The following NPHP3 variants were observed in gnomAD, a reference collection of about 807,000 sequenced individuals.
NPHP3 encodes nephrocystin-3.
A neutral mutation model predicts 171.9 loss-of-function variants in NPHP3; 123 were observed. The ratio of observed to expected loss-of-function variants is 0.72; its 90% CI spans 0.62 to 0.83. The LOEUF (loss-of-function observed/expected upper bound fraction) is 0.83, where lower values mean the gene tolerates loss of function less well. Among genes scored for constraint, NPHP3 ranks in the 40% least tolerant of loss-of-function variants. NPHP3 has a pLI of 0.00. For synonymous variants in NPHP3, 558 were observed against 579.2 expected, an observed-to-expected ratio of 0.96 and a Z score of 0.52; for missense variants, 1,506 against 1,591.9, an observed-to-expected ratio of 0.95 and a Z score of 0.92.
Position 132,689,265 on chromosome 3 carries a change from T to A in NPHP3, c.2694-2A>T, listed in dbSNP as rs1395411307. 6.2e-7 allele frequency: 1 copy of A among 1,613,166 alleles called. No individual in the cohort carries two copies. The highest frequency in any genetic ancestry group is 8.5e-7 in the Non-Finnish European group (1 of 1,179,280). On this transcript the variant is annotated splice_acceptor_variant, in intron 19 of 26. Transcript: ENST00000337331. LOFTEE classifies it high-confidence loss of function. ...CTCAGCAACTCAGCAAAGTGTCCCC[T>A]GTTTCAACAAATAACAGTACTTTAA...
At chr3:132,690,438 T>A (rs1475549304) in intron 19 of NPHP3, 90 bp downstream of exon 19, 2 of 1,301,800 alleles carry the variant, frequency 1.5e-6, no homozygotes, top group Non-Finnish European at 2.2e-6. Context: ...TTAGACTAAT[T>A]TTTAAATTAA....
At chr3:132,695,191 T>C (rs1939421902) in intron 15 of NPHP3, 1 of 496,678 alleles carries the variant, frequency 2.0e-6, no homozygotes, top group South Asian at 2.2e-5. Context: ...TGAAATCTAT[T>C]ATTTGTTAAG....
intron 6 of NPHP3, among the ~76,000 whole-genome samples, 182 bp from the exon 7 acceptor site, chr3:132,708,439 T>A (rs1303427800): frequency 6.6e-6 from 1 of 152,222 alleles, no homozygotes; most frequent in Non-Finnish European, 1.5e-5. Flanking sequence ...CAGTTTGGTC[T>A]TAAAATATAA....
chr3:132,692,038 G>A (rs555646702), intron 17 of NPHP3, among the ~76,000 whole-genome samples: 1 of 152,224 alleles, frequency 6.6e-6, no homozygotes, highest in East Asian at 1.9e-4. Flanking sequence ...CCCTATACAG[G>A]CATACCGTTT....
chr3:132,695,208 C>T (rs1229453304), intron 15 of NPHP3: 8 of 449,316 alleles, frequency 1.8e-5, no homozygotes. Flanking sequence ...TAAGCAATTA[C>T]TATGCATTAT....
At chr3:132,683,706 AT>A (rs1265957839) in intron 24 of NPHP3, among the ~76,000 whole-genome samples, 182 bp from the exon 25 acceptor site, 1 of 152,220 alleles carries the variant, frequency 6.6e-6, no homozygotes, top group Non-Finnish European at 1.5e-5. Flanking sequence ...GCTACACTGT[AT>A]AGAAAAGCAT....
intron 4 of NPHP3, 133 bp downstream of exon 4, chr3:132,716,624 T>C (rs748988071): frequency 1.2e-5 from 11 of 947,050 alleles, no homozygotes; most frequent in Admixed American, 1.9e-5. Context: ...CACTGTATGA[T>C]GGTTTGTCAA....
intron 7 of NPHP3, among the ~76,000 whole-genome samples, chr3:132,707,691 C>T (rs1939791236): frequency 6.6e-6 from 1 of 152,092 alleles, no homozygotes; most frequent in African/African-American, 2.4e-5. Flanking sequence ...CCTACCACTT[C>T]TCATCATTTC....
chr3:132,716,436 GA>G (rs960816696), intron 4 of NPHP3, among the ~76,000 whole-genome samples: 26 of 152,280 alleles, frequency 1.7e-4, no homozygotes, highest in African/African-American at 6.3e-4. Flanking sequence ...GAAGCAGAGG[GA>G]AAGATTAAAA....
At position 132,690,646 on chromosome 3, in the gene NPHP3, C is replaced by T. The variant is rs1939276679; in HGVS notation, c.2575G>A (p.Asp859Asn). Residue 859 changes from aspartate to asparagine, a missense_variant, in exon 19 of 27, where the codon GAC (aspartate) becomes AAC (asparagine). By Grantham distance (23) the Asp-to-Asn change is conservative. This residue lies in a region of NPHP3 where 569 missense variants were observed against 648.1 expected (regional missense o/e 0.88). Transcript: ENST00000337331. Reference protein sequence around the residue: ...INYFTLQLSQDRVTWRSADEL... With the variant: ...INYFTLQLSQNRVTWRSADEL... ...TCTGCACTTCTCCAAGTCACTCTGT[C>T]CTGACTATCAAAAGAGAGGAGACAA... 3 of 1,613,764 alleles carry T rather than the reference C, an allele frequency of 1.9e-6. No homozygotes were observed. The highest frequency in any genetic ancestry group is 2.2e-5 in the South Asian group (2 of 91,066).
chr3:132,704,422 T>G (rs973723010), intron 8 of NPHP3, 51 bp from the exon 9 acceptor site: 2 of 1,603,916 alleles, frequency 1.2e-6, no homozygotes, highest in Non-Finnish European at 8.5e-7. Context: ...ATAAAGATCT[T>G]ACAGCGGGGT....
intron 19 of NPHP3, 84 bp downstream of exon 19, chr3:132,690,444 A>G: frequency 7.4e-7 from 1 of 1,353,130 alleles, no homozygotes; most frequent in Non-Finnish European, 1.0e-6. Context: ...TAATTTTTAA[A>G]TTAAAAATAC....
At chr3:132,688,435 C>T (rs1468728379) in intron 21 of NPHP3, among the ~76,000 whole-genome samples, 1 of 152,038 alleles carries the variant, frequency 6.6e-6, no homozygotes, top group Non-Finnish European at 1.5e-5. Flanking sequence ...GGATTCAAAC[C>T]CAAGACTATA....
At chr3:132,704,731 A>C (rs920747210) in intron 8 of NPHP3, among the ~76,000 whole-genome samples, 4 of 152,202 alleles carry the variant, frequency 2.6e-5, no homozygotes, top group African/African-American at 9.7e-5. Context: ...ATAAGAATTG[A>C]ATTACTAAGA....
chr3:132,687,977 C>T (rs1416400430), intron 21 of NPHP3, among the ~76,000 whole-genome samples: 2 of 152,136 alleles, frequency 1.3e-5, no homozygotes, highest in East Asian at 3.8e-4. Context: ...GCTGTGTTCC[C>T]TTTAAACCTT....
intron 13 of NPHP3, among the ~76,000 whole-genome samples, chr3:132,697,776 T>C (rs1939493980): frequency 6.6e-6 from 1 of 152,054 alleles, no homozygotes; most frequent in African/African-American, 2.4e-5. Flanking sequence ...GTACTGAAAA[T>C]TGCATTTGTG....
At chr3:132,707,350 G>A (rs868068806) in intron 7 of NPHP3, among the ~76,000 whole-genome samples, 3 of 152,184 alleles carry the variant, frequency 2.0e-5, no homozygotes, top group Admixed American at 1.3e-4. Flanking sequence ...TGTAGTCCCA[G>A]CTACTCAAGA....
chr3:132,697,078 A>G (rs914003851), intron 14 of NPHP3, among the ~76,000 whole-genome samples, 182 bp downstream of exon 14: 1 of 152,168 alleles, frequency 6.6e-6, no homozygotes, highest in Non-Finnish European at 1.5e-5. Context: ...TAAGACCAAA[A>G]TCTTTTTATT....
At chr3:132,698,774 C>G (rs1281773727) in intron 13 of NPHP3, among the ~76,000 whole-genome samples, 1 of 152,188 alleles carries the variant, frequency 6.6e-6, no homozygotes, top group Middle Eastern at 3.2e-3. Flanking sequence ...ACCTGCCTGT[C>G]CTTTGTGTTT....
Sources: gnomAD v4.1 joint callset for allele counts (sites outside exome capture counted in the v4.1 genomes callset) on GRCh38, gnomAD v4.1.1 for gene constraint, gnomAD v4.1.1 regional missense constraint, MANE v1.5 for transcripts, NCBI Gene and HGNC (gene_info 2026-07-23, HGNC 2026-07-21) for gene names.